The following SAMMSON variants were observed in gnomAD, a reference collection of about 807,000 sequenced individuals.
The protein encoded by SAMMSON is survival associated mitochondrial melanoma specific oncogenic non-coding RNA, also known as long intergenic non-protein coding RNA 1212.
chr3:70,009,572 T>G (rs1421008276), intron 1 of SAMMSON, among the ~76,000 whole-genome samples: 5 of 152,188 alleles, frequency 3.3e-5, no homozygotes, highest in African/African-American at 1.2e-4. Context: ...ATTTTGTTGA[T>G]CTTTTCAGAA....
chr3:70,012,139 A>G (rs2066958946), intron 1 of SAMMSON, among the ~76,000 whole-genome samples: 1 of 152,070 alleles, frequency 6.6e-6, no homozygotes, highest in African/African-American at 2.4e-5. Flanking sequence ...TGAAATCATG[A>G]AGCTTGAAGT....
chr3:70,005,908 CA>C (rs2066924735), intron 1 of SAMMSON, among the ~76,000 whole-genome samples: 1 of 152,128 alleles, frequency 6.6e-6, no homozygotes, highest in Non-Finnish European at 1.5e-5. Context: ...TCAGTTAATG[CA>C]AAGTATGTAG....
chr3:70,076,783 G>A (rs1017214851), intron 4 of SAMMSON, among the ~76,000 whole-genome samples: 3 of 152,100 alleles, frequency 2.0e-5, no homozygotes, highest in African/African-American at 7.2e-5. Context: ...TTTGGAATGC[G>A]TTTCTACCAC....
At chr3:70,195,214 A>C (rs183712157) in intron 4 of SAMMSON, among the ~76,000 whole-genome samples, 6 of 151,292 alleles carry the variant, frequency 4.0e-5, no homozygotes, top group African/African-American at 1.5e-4. Context: ...CTAGGAATCT[A>C]TTTTTTTTTC....
At chr3:70,219,245 A>G (rs1701440930) in intron 4 of SAMMSON, among the ~76,000 whole-genome samples, 1 of 152,196 alleles carries the variant, frequency 6.6e-6, no homozygotes, top group Admixed American at 6.5e-5. Context: ...GATTTACACT[A>G]AATATCAACC....
intron 7 of SAMMSON, chr3:70,312,864 G>A (rs1435241897): frequency 1.3e-5 from 2 of 151,824 alleles, no homozygotes; most frequent in African/African-American, 2.4e-5. Flanking sequence ...CTTTTCAACT[G>A]GACCAAGTTT....
At chr3:70,184,344 A>G (rs1039678792) in intron 4 of SAMMSON, 1 of 152,196 alleles carries the variant, frequency 6.6e-6, no homozygotes, top group Non-Finnish European at 1.5e-5. Context: ...TTCTCTAAGA[A>G]GGGATAATAC....
intron 2 of SAMMSON, among the ~76,000 whole-genome samples, chr3:70,013,201 T>C (rs2066965776): frequency 6.6e-6 from 1 of 152,162 alleles, no homozygotes; most frequent in African/African-American, 2.4e-5. Flanking sequence ...AGTTCCGAAT[T>C]TGTCTAGGTT....
Position 70,229,957 on chromosome 3 carries a change from A to G in SAMMSON, n.508-19150A>G, listed in dbSNP as rs73838080. On this transcript the variant is annotated intron_variant and non_coding_transcript_variant, in intron 4 of 9. Transcript: ENST00000642114. ...ATTATGGAATTATAATGATACAAAT[A>G]TTTAATATTTATTGAATTCTAAGAT... Among the ~76,000 whole-genome samples the G allele has an allele frequency of 3.4e-3, 523 of 152,300 alleles. 7 individuals are homozygous for G. Among genetic ancestry groups the G allele is most frequent in the African/African-American group, 0.012 (505 of 41,562 alleles).
At chr3:70,385,905 G>A (rs1703120024) in intron 9 of SAMMSON, among the ~76,000 whole-genome samples, 1 of 152,072 alleles carries the variant, frequency 6.6e-6, no homozygotes, top group African/African-American at 2.4e-5. Flanking sequence ...TGCTTGAAGA[G>A]CACTATTAAT....
intron 1 of SAMMSON, among the ~76,000 whole-genome samples, chr3:70,007,283 A>C (rs1327510139): frequency 2.0e-5 from 3 of 152,062 alleles, no homozygotes; most frequent in African/African-American, 7.2e-5. Context: ...AAGTGTTCCT[A>C]TTTCTCCACA....
intron 7 of SAMMSON, among the ~76,000 whole-genome samples, chr3:70,302,287 A>G (rs1247221990): frequency 1.3e-5 from 2 of 151,982 alleles, no homozygotes; most frequent in African/African-American, 4.8e-5. Flanking sequence ...TGGTCTGGTG[A>G]ACACCTAGTG....
At chr3:70,157,918 T>C (rs2067598031) in intron 4 of SAMMSON, among the ~76,000 whole-genome samples, 1 of 152,106 alleles carries the variant, frequency 6.6e-6, no homozygotes, top group Non-Finnish European at 1.5e-5. Flanking sequence ...TCTGTCTGAC[T>C]CCAGAGCCCC....
chr3:70,290,563 C>T (rs1702225524), intron 6 of SAMMSON, among the ~76,000 whole-genome samples: 1 of 152,234 alleles, frequency 6.6e-6, no homozygotes, highest in South Asian at 2.1e-4. Flanking sequence ...GCAGGCAGGC[C>T]TCCTTGAGCT....
intron 4 of SAMMSON, chr3:70,205,282 A>T (rs1701279364): frequency 6.6e-6 from 1 of 152,044 alleles, no homozygotes; most frequent in African/African-American, 2.4e-5. Context: ...TGACATTTAG[A>T]TGAGCCATGT....
chr3:70,016,734 T>G (rs2066987635), intron 3 of SAMMSON, among the ~76,000 whole-genome samples: 1 of 152,204 alleles, frequency 6.6e-6, no homozygotes, highest in African/African-American at 2.4e-5. Context: ...AACATGTAAG[T>G]CTTTAATCCA....
At chr3:70,281,989 C>T (rs1702088989) in intron 6 of SAMMSON, among the ~76,000 whole-genome samples, 1 of 152,116 alleles carries the variant, frequency 6.6e-6, no homozygotes, top group South Asian at 2.1e-4. Flanking sequence ...GATGGAAGTC[C>T]ACCTGGACAG....
At chr3:70,238,595 G>T (rs1273192522) in intron 4 of SAMMSON, among the ~76,000 whole-genome samples, 10 of 151,882 alleles carry the variant, frequency 6.6e-5, no homozygotes, top group African/African-American at 2.4e-4. Context: ...CTGGATGAGA[G>T]TGAGCACTTG....
intron 4 of SAMMSON, among the ~76,000 whole-genome samples, chr3:70,236,398 G>A (rs1391930026): frequency 6.6e-6 from 1 of 151,898 alleles, no homozygotes; most frequent in Non-Finnish European, 1.5e-5. Flanking sequence ...ATTTATATTT[G>A]GAATGGCCTC....
Sources: gnomAD v4.1 joint callset for allele counts (sites outside exome capture counted in the v4.1 genomes callset) on GRCh38, gnomAD v4.1.1 for gene constraint, MANE v1.5 for transcripts, NCBI Gene and HGNC (gene_info 2026-07-23, HGNC 2026-07-21) for gene names.